DHDDS: variants seen among roughly 807,000 people sequenced by gnomAD.
DHDDS encodes the protein dehydrodolichyl diphosphate synthase subunit.
A neutral mutation model predicts 46.2 loss-of-function variants in DHDDS; 16 were observed. The ratio of observed to expected loss-of-function variants is 0.35; its 90% CI spans 0.23 to 0.53. DHDDS has a LOEUF of 0.53. Ranked by LOEUF, DHDDS falls within the 20% of genes least tolerant of loss-of-function variation. The pLI is 0.94. For synonymous variants in DHDDS, 151 were observed against 163.1 expected (o/e 0.93, Z 0.56); for missense variants, 340 against 423.7 (o/e 0.80, Z 1.73).
chr1:26,442,996 T>TA (rs925936677), intron 4 of DHDDS, 123 bp downstream of exon 4: 62 of 1,504,710 alleles, frequency 4.1e-5, no homozygotes, highest in Non-Finnish European at 5.1e-5. Context: ...GTTAGTTAGA[T>TA]ATCTTGGGTG....
intron 4 of DHDDS, among the ~76,000 whole-genome samples, chr1:26,445,120 G>A (rs1008823310): frequency 2.0e-5 from 3 of 152,146 alleles, no homozygotes; most frequent in African/African-American, 7.2e-5. Context: ...ACGTCCCTGT[G>A]CCTCAGTTTC....
intron 2 of DHDDS, among the ~76,000 whole-genome samples, chr1:26,435,302 G>A (rs949169748): frequency 3.3e-5 from 5 of 151,940 alleles, no homozygotes; most frequent in African/African-American, 9.7e-5. Context: ...GAGCCACTGC[G>A]CCCGGCTGAA....
chr1:26,463,522 T>C (rs889369056), intron 8 of DHDDS: 4 of 152,316 alleles, frequency 2.6e-5, no homozygotes, highest in African/African-American at 9.6e-5. Context: ...TTCTTTTTTT[T>C]TGAAATGGAG....
intron 4 of DHDDS, 24 bp from the exon 5 acceptor site, chr1:26,446,292 A>G (rs370281702): frequency 1.0e-4 from 162 of 1,611,050 alleles, no homozygotes; most frequent in Non-Finnish European, 7.0e-5. Flanking sequence ...CCCTATCCCA[A>G]TGCTGCCTCT....
chr1:26,465,509 C>G (rs959263637), intron 8 of DHDDS, among the ~76,000 whole-genome samples: 1 of 152,190 alleles, frequency 6.6e-6, no homozygotes, highest in African/African-American at 2.4e-5. Flanking sequence ...GCCTACATAG[C>G]TATATGACTG....
chr1:26,434,020 C>A (rs947596629), intron 2 of DHDDS, among the ~76,000 whole-genome samples: 1 of 152,174 alleles, frequency 6.6e-6, no homozygotes, highest in Non-Finnish European at 1.5e-5. Context: ...AGGACTGAGC[C>A]ACTGCACCTG....
At chr1:26,453,755 A>C (rs1411697591) in intron 6 of DHDDS, among the ~76,000 whole-genome samples, 2 of 152,166 alleles carry the variant, frequency 1.3e-5, no homozygotes, top group African/African-American at 4.8e-5. Context: ...CTGTCTCAAA[A>C]AATAAAACAA....
At chr1:26,466,010 G>T (rs1156329289) in intron 8 of DHDDS, among the ~76,000 whole-genome samples, 3 of 152,160 alleles carry the variant, frequency 2.0e-5, no homozygotes, top group Non-Finnish European at 4.4e-5. Flanking sequence ...TTAAGTACTG[G>T]AGGGACTATT....
rs932237947 is a variant in DHDDS, at chr1:26,470,680, C to G, written c.*1549C>G. ...GGCGATTGAGAAGCCAATCAGTGAA[C>G]CCTTTGGCAAAGCCCCCATCCACAC... On this transcript the variant is annotated 3_prime_UTR_variant, in exon 9 of 9. Transcript: ENST00000236342. 1.3e-5 allele frequency: 2 copies of G among 152,668 alleles called. No homozygotes were observed. The highest frequency in any genetic ancestry group is 2.1e-4 in the South Asian group (1 of 4,824). The allele number at this position is 152,668 out of a possible 1,614,324, so 9.5% of individuals were successfully genotyped here.
intron 6 of DHDDS, among the ~76,000 whole-genome samples, chr1:26,451,906 C>G (rs1034395070): frequency 2.0e-5 from 3 of 151,252 alleles, no homozygotes; most frequent in Non-Finnish European, 4.4e-5. Flanking sequence ...GGGATCACAC[C>G]CGGCTATTTT....
intron 2 of DHDDS, among the ~76,000 whole-genome samples, chr1:26,437,737 A>C (rs949186206): frequency 5.3e-5 from 8 of 151,748 alleles, no homozygotes; most frequent in African/African-American, 1.7e-4. Flanking sequence ...CAGCCTCCCA[A>C]AGTGCTGGGA....
chr1:26,436,840 A>C (rs950048720), intron 2 of DHDDS, among the ~76,000 whole-genome samples: 3 of 152,122 alleles, frequency 2.0e-5, no homozygotes, highest in Non-Finnish European at 4.4e-5. Flanking sequence ...CTGGAAGCAG[A>C]TGGACATCAG....
In DHDDS at chr1:26,432,941, G is replaced by T. The variant is rs1205754148; in HGVS notation, c.-5G>T. ...CTGGAGTGATCTTCTGACTGGAAAA[G>T]AACTATGTCATGGATCAAGGAAGGA... On this transcript the variant is annotated 5_prime_UTR_variant, in exon 2 of 9. Transcript: ENST00000236342. 6.2e-7 allele frequency: 1 copy of T among 1,614,190 alleles called. No individual in the cohort carries two copies. Among genetic ancestry groups the T allele is most frequent in the Non-Finnish European group, 8.5e-7 (1 of 1,180,018 alleles).
intron 8 of DHDDS, chr1:26,467,184 G>A: frequency 2.7e-6 from 1 of 369,492 alleles, no homozygotes. Flanking sequence ...ATCCTATTTT[G>A]CATCGTGGCA....
chr1:26,460,149 G>A lies in DHDDS; in HGVS notation c.765+5G>A, dbSNP rs1335999297. On this transcript the variant is annotated splice_donor_5th_base_variant and intron_variant, in intron 8 of 8. Transcript: ENST00000236342. ...ATGAACCATAGCGTGCTTCAGGTAAGAAAGAGTTCAGGGCTGGCCAGATGG... is the reference window on the plus strand; with the variant it reads ...ATGAACCATAGCGTGCTTCAGGTAAAAAAGAGTTCAGGGCTGGCCAGATGG... 6.2e-7 allele frequency: 1 copy of A among 1,610,456 alleles called. No individual in the cohort carries two copies. The highest frequency in any genetic ancestry group is 8.5e-7 in the Non-Finnish European group (1 of 1,176,918).
intron 6 of DHDDS, among the ~76,000 whole-genome samples, chr1:26,456,532 A>G (rs2075371781): frequency 1.3e-5 from 2 of 152,210 alleles, no homozygotes; most frequent in Admixed American, 6.5e-5. Flanking sequence ...AGCTGGGACT[A>G]CAGGCATGCG....
chr1:26,463,929 G>A (rs1479303212), intron 8 of DHDDS, among the ~76,000 whole-genome samples: 1 of 151,962 alleles, frequency 6.6e-6, no homozygotes, highest in African/African-American at 2.4e-5. Flanking sequence ...CTGGGATGGG[G>A]TGGAAGGTGT....
At chr1:26,460,659 T>G (rs1487799223) in intron 8 of DHDDS, among the ~76,000 whole-genome samples, 3 of 152,226 alleles carry the variant, frequency 2.0e-5, no homozygotes, top group Non-Finnish European at 4.4e-5. Flanking sequence ...GAAACAGGTT[T>G]TATTAGCAGT....
At chr1:26,446,468 A>T (rs148393390) in intron 5 of DHDDS, 36 bp downstream of exon 5, 1 of 1,594,422 alleles carries the variant, frequency 6.3e-7, no homozygotes, top group Admixed American at 1.7e-5. Flanking sequence ...GAGCTGTTTC[A>T]ATCTTTGATT....
Sources: gnomAD v4.1 joint callset for allele counts (sites outside exome capture counted in the v4.1 genomes callset) on GRCh38, gnomAD v4.1.1 for gene constraint, MANE v1.5 for transcripts, NCBI Gene and HGNC (gene_info 2026-07-23, HGNC 2026-07-21) for gene names.